The following CFAP299 variants were observed in gnomAD, a reference collection of about 807,000 sequenced individuals.
The protein encoded by CFAP299 is cilia and flagella associated protein 299, also known as cilia- and flagella-associated protein 299.
A neutral mutation model predicts 27.0 loss-of-function variants in CFAP299; 21 were observed. The observed-to-expected ratio is 0.78, with a 90% CI of 0.55 to 1.12. The LOEUF (loss-of-function observed/expected upper bound fraction) is 1.12, where lower values mean the gene tolerates loss of function less well. Among genes scored for constraint, CFAP299 ranks in the 50% most tolerant of loss-of-function variants. CFAP299 has a pLI of 0.00. For missense variants in CFAP299, 310 were observed against 276.6 expected (o/e 1.12, Z -0.86); for synonymous variants, 104 against 98.1 (o/e 1.06, Z -0.36).
chr4:80,690,756 C>T (rs1039937137), intron 3 of CFAP299, among the ~76,000 whole-genome samples: 5 of 151,740 alleles, frequency 3.3e-5, no homozygotes, highest in African/African-American at 1.2e-4. Flanking sequence ...AATCCAGGAG[C>T]TGGTTTTTTG....
At chr4:80,393,577 A>G (rs1311975377) in intron 2 of CFAP299, among the ~76,000 whole-genome samples, 3 of 152,126 alleles carry the variant, frequency 2.0e-5, no homozygotes, top group South Asian at 2.1e-4. Flanking sequence ...AGATACACAA[A>G]TACTTATTAT....
At chr4:80,725,190 A>G (rs938719096) in intron 3 of CFAP299, among the ~76,000 whole-genome samples, 2 of 139,448 alleles carry the variant, frequency 1.4e-5, no homozygotes, top group African/African-American at 5.4e-5. Flanking sequence ...TCCTGACCTC[A>G]GGTAATCCAC....
chr4:80,585,377 A>C (rs1736381649), intron 3 of CFAP299, among the ~76,000 whole-genome samples: 1 of 152,090 alleles, frequency 6.6e-6, no homozygotes, highest in South Asian at 2.1e-4. Context: ...AAAGATCTGA[A>C]CTCTACTCCA....
intron 3 of CFAP299, among the ~76,000 whole-genome samples, chr4:80,772,576 G>T (rs1002339350): frequency 6.6e-6 from 1 of 151,692 alleles, no homozygotes; most frequent in African/African-American, 2.4e-5. Flanking sequence ...TTTAAGTTCT[G>T]GGGTACATGT....
At chr4:80,363,147 C>T (rs991643553) in intron 2 of CFAP299, among the ~76,000 whole-genome samples, 1 of 152,036 alleles carries the variant, frequency 6.6e-6, no homozygotes, top group African/African-American at 2.4e-5. Context: ...TAAAAAGTAA[C>T]TTGATATTAT....
intron 3 of CFAP299, among the ~76,000 whole-genome samples, chr4:80,807,660 T>C (rs942448428): frequency 2.6e-5 from 4 of 152,104 alleles, no homozygotes; most frequent in Non-Finnish European, 4.4e-5. Flanking sequence ...GATGCTGTTG[T>C]TTTGCTCTAA....
At chr4:80,854,866 A>G (rs963795339) in intron 3 of CFAP299, among the ~76,000 whole-genome samples, 8 of 150,890 alleles carry the variant, frequency 5.3e-5, no homozygotes, top group African/African-American at 1.7e-4. Flanking sequence ...TTGAAACGGT[A>G]TCAGAATTTT....
At chr4:80,432,990 A>G (rs1245169384) in intron 2 of CFAP299, among the ~76,000 whole-genome samples, 1 of 152,198 alleles carries the variant, frequency 6.6e-6, no homozygotes, top group Non-Finnish European at 1.5e-5. Flanking sequence ...TTCCTGATAG[A>G]GCACTGATTG....
chr4:80,425,628 C>G (rs577634365), intron 2 of CFAP299, among the ~76,000 whole-genome samples: 80 of 152,258 alleles, frequency 5.3e-4, no homozygotes, highest in Admixed American at 1.5e-3. Context: ...GCATTGTTTC[C>G]CATGAAAGGG....
At chr4:80,951,122 G>A (rs181198825) in intron 5 of CFAP299, among the ~76,000 whole-genome samples, 3 of 152,046 alleles carry the variant, frequency 2.0e-5, no homozygotes, top group Non-Finnish European at 4.4e-5. Context: ...AAATTTATAG[G>A]GCAAGATCTC....
At chr4:80,420,515 G>A (rs1042693155) in intron 2 of CFAP299, among the ~76,000 whole-genome samples, 2 of 151,992 alleles carry the variant, frequency 1.3e-5, no homozygotes, top group African/African-American at 2.4e-5. Context: ...TCCTACATAC[G>A]GATTAGTGAT....
At chr4:80,738,662 CTT>C (rs35802332) in intron 3 of CFAP299, among the ~76,000 whole-genome samples, 7 of 141,666 alleles carry the variant, frequency 4.9e-5, no homozygotes, top group African/African-American at 7.8e-5. Flanking sequence ...ATCATTGGGT[CTT>C]TTTTTTTTTT....
chr4:80,668,717 T>C (rs1373240915), intron 3 of CFAP299, among the ~76,000 whole-genome samples: 1 of 152,132 alleles, frequency 6.6e-6, no homozygotes, highest in Non-Finnish European at 1.5e-5. Context: ...TTGTAGAATA[T>C]TTTGAATTCA....
chr4:80,347,984 A>G (rs962935827), intron 1 of CFAP299, among the ~76,000 whole-genome samples: 4 of 148,874 alleles, frequency 2.7e-5, no homozygotes, highest in African/African-American at 9.8e-5. Flanking sequence ...TAGAGAAGAT[A>G]GAATAAGACC....
intron 2 of CFAP299, chr4:80,388,041 C>T: frequency 1.4e-6 from 1 of 691,714 alleles, no homozygotes; most frequent in Non-Finnish European, 2.6e-6. Flanking sequence ...ATCACCAGTG[C>T]CTGGATCTCC....
intron 4 of CFAP299, among the ~76,000 whole-genome samples, chr4:80,891,443 T>G (rs1455113804): frequency 3.3e-5 from 5 of 150,922 alleles, no homozygotes; most frequent in African/African-American, 1.2e-4. Context: ...CCATAAAAAA[T>G]GATGAGTTCA....
intron 3 of CFAP299, among the ~76,000 whole-genome samples, chr4:80,611,890 T>C (rs1403582487): frequency 6.6e-6 from 1 of 152,090 alleles, no homozygotes; most frequent in Non-Finnish European, 1.5e-5. Flanking sequence ...AAGCAGAGAA[T>C]TCTTCAAGTA....
intron 3 of CFAP299, among the ~76,000 whole-genome samples, chr4:80,824,893 G>T (rs1468168632): frequency 6.6e-6 from 1 of 151,888 alleles, no homozygotes; most frequent in East Asian, 1.9e-4. Flanking sequence ...ACAAAGTATA[G>T]CCCATTCAAA....
chr4:80,688,613 G>A (rs1258536911), intron 3 of CFAP299, among the ~76,000 whole-genome samples: 2 of 152,170 alleles, frequency 1.3e-5, no homozygotes, highest in African/African-American at 2.4e-5. Context: ...CAGAAAAACT[G>A]GAAACTCTAA....
Sources: gnomAD v4.1 joint callset for allele counts (sites outside exome capture counted in the v4.1 genomes callset) on GRCh38, gnomAD v4.1.1 for gene constraint, MANE v1.5 for transcripts, NCBI Gene and HGNC (gene_info 2026-07-23, HGNC 2026-07-21) for gene names.